The following CYB5R3 variants were observed in gnomAD, a reference collection of about 807,000 sequenced individuals.
The protein encoded by CYB5R3 is cytochrome b5 reductase 3.
In CYB5R3, 28 loss-of-function variants were observed where a neutral mutation model predicts 36.5. The observed-to-expected ratio is 0.77, with a 90% confidence interval of 0.57 to 1.05. The LOEUF is 1.05. CYB5R3 is among the 50% of genes least tolerant of loss of function. The pLI is 0.00. For synonymous variants in CYB5R3, 181 were observed against 159.8 expected (o/e 1.13, Z -1.00); for missense variants, 474 against 408.9 (o/e 1.16, Z -1.37).
At chr22:42,631,491 G>A in intron 2 of CYB5R3, 41 bp from the exon 3 acceptor site, 1 of 1,542,730 alleles carries the variant, frequency 6.5e-7, no homozygotes, top group Non-Finnish European at 8.8e-7. Context: ...CCCCAGGGCA[G>A]AGGCCTCCCA....
Position 42,627,704 on chromosome 22 carries a change from G to C in CYB5R3, c.464-16C>G. ...GCGAACTTCCCTGGGGAGAGAGAAG[G>C]GGTGAGGCCCGGCCATCAAACATGC... On this transcript the variant is annotated splice_polypyrimidine_tract_variant and intron_variant, in intron 5 of 8. Transcript: ENST00000352397. 1 of 1,589,374 alleles carries C rather than the reference G, an allele frequency of 6.3e-7. No individual in the cohort carries two copies. The highest frequency in any genetic ancestry group is 8.6e-7 in the Non-Finnish European group (1 of 1,157,404).
chr22:42,642,824 TA>T (rs1156544230), intron 1 of CYB5R3, among the ~76,000 whole-genome samples: 2 of 152,252 alleles, frequency 1.3e-5, no homozygotes, highest in Non-Finnish European at 2.9e-5. Context: ...AAAGTTCATA[TA>T]AAACACTGGC....
At chr22:42,632,955 G>C (rs1928696261) in intron 2 of CYB5R3, 1 of 152,326 alleles carries the variant, frequency 6.6e-6, no homozygotes, top group Non-Finnish European at 1.5e-5. Context: ...GAACCTGGGA[G>C]GCAAGGTTGC....
At chr22:42,630,324 G>A (rs1032786314) in intron 4 of CYB5R3, among the ~76,000 whole-genome samples, 3 of 152,158 alleles carry the variant, frequency 2.0e-5, no homozygotes, top group African/African-American at 7.2e-5. Context: ...TAGCAGGCCT[G>A]AGGGACATTT....
chr22:42,619,745 C>A lies in CYB5R3; in HGVS notation c.*28G>T. On this transcript the variant is annotated 3_prime_UTR_variant, in exon 9 of 9. Transcript: ENST00000352397. ...TGAACAGGGCGTGGGGTGCGCGGGGCGGGTGGCCGTGTGACCGTGCCCGGC... is the reference window on the plus strand; with the variant it reads ...TGAACAGGGCGTGGGGTGCGCGGGGAGGGTGGCCGTGTGACCGTGCCCGGC... The A allele has an allele frequency of 1.3e-6, 2 of 1,545,666 alleles. No homozygotes were observed. Among genetic ancestry groups the A allele is most frequent in the South Asian group, 1.2e-5 (1 of 84,156 alleles).
rs550137295 is a variant in CYB5R3 at position 42,647,244 on chromosome 22, G to A, written c.21+2051C>T. 2.0e-5 allele frequency among the ~76,000 whole-genome samples: 3 copies of A among 152,202 alleles called. No homozygotes were observed. The South Asian group carries it at 6.2e-4, about 32-fold the overall frequency. On this transcript the variant is annotated intron_variant, in intron 1 of 8. Coordinates refer to ENST00000352397, the MANE Select transcript of CYB5R3 (RefSeq NM_000398.7). The stretch of plus-strand genomic sequence containing the variant: ...CTTGGAGAGATGGGGCTGGGCGGGG[G>A]AGGGTTGGTGGAGGTCTCCCGACTC...
Position 42,628,266 on chromosome 22 carries a change from T to C in CYB5R3, c.349A>G (p.Thr117Ala), listed in dbSNP as rs762291523. The C allele has an allele frequency of 1.9e-6, 3 of 1,613,948 alleles. No individual in the cohort carries two copies. The highest frequency in any genetic ancestry group is 1.7e-5 in the Admixed American group (1 of 60,014). ...DLVIKVYFKDTHPKFPAGGKM... is the reference protein window; with the variant it reads ...DLVIKVYFKDAHPKFPAGGKM... ...CCTCCAGCGGGAAACTTGGGATGGGTGTCCTTGAAGTAAACCTGCAAGACA... is the reference window on the plus strand; with the variant it reads ...CCTCCAGCGGGAAACTTGGGATGGGCGTCCTTGAAGTAAACCTGCAAGACA... The change falls in exon 5 of 9, where the codon ACC becomes GCC. Residue 117 changes from threonine (T) to alanine (A), a missense_variant. Thr to Ala is a moderately conservative substitution (Grantham distance 58). Transcript: ENST00000352397.
At chr22:42,629,909 T>C (rs537149799) in intron 4 of CYB5R3, among the ~76,000 whole-genome samples, 4 of 152,294 alleles carry the variant, frequency 2.6e-5, no homozygotes, top group Admixed American at 2.0e-4. Flanking sequence ...GTGATTCTCC[T>C]GCCTCAGCCT....
At chr22:42,637,606 G>T (rs982134093) in intron 1 of CYB5R3, among the ~76,000 whole-genome samples, 1 of 152,104 alleles carries the variant, frequency 6.6e-6, no homozygotes, top group South Asian at 2.1e-4. Flanking sequence ...CTCAACCTGA[G>T]TGGACCAGGT....
chr22:42,620,379 G>A (rs2146860700), intron 8 of CYB5R3, among the ~76,000 whole-genome samples: 1 of 152,138 alleles, frequency 6.6e-6, no homozygotes, highest in East Asian at 1.9e-4. Context: ...AGGTCCCCAG[G>A]CTGGTGCTCT....
chr22:42,627,430 G>A (rs760173521), intron 6 of CYB5R3, 41 bp from the exon 7 acceptor site: 17 of 1,598,382 alleles, frequency 1.1e-5, no homozygotes, highest in Non-Finnish European at 1.4e-5. Flanking sequence ...GCTGAGCGAG[G>A]CCTGTTCACA....
At chr22:42,627,804 G>C in intron 5 of CYB5R3, 116 bp from the exon 6 acceptor site, 2 of 821,214 alleles carry the variant, frequency 2.4e-6, no homozygotes, top group Non-Finnish European at 4.2e-6. Context: ...GGTAGAGGCA[G>C]CTGCCATTCT....
At chr22:42,627,449 C>A in intron 6 of CYB5R3, 60 bp from the exon 7 acceptor site, 1 of 1,564,756 alleles carries the variant, frequency 6.4e-7, no homozygotes, top group Non-Finnish European at 8.8e-7. Context: ...CAGGCACCGC[C>A]CCGCCCAGGT....
At chr22:42,626,963 C>T (rs1393058097) in intron 7 of CYB5R3, among the ~76,000 whole-genome samples, 1 of 152,168 alleles carries the variant, frequency 6.6e-6, no homozygotes, top group Non-Finnish European at 1.5e-5. Flanking sequence ...AGATGGGCCC[C>T]TCCATGTCCA....
At chr22:42,636,438 G>A (rs530896528) in intron 2 of CYB5R3, among the ~76,000 whole-genome samples, 2 of 152,184 alleles carry the variant, frequency 1.3e-5, no homozygotes, top group African/African-American at 4.8e-5. Context: ...ATAAATGGGG[G>A]ATTGAACCTA....
chr22:42,623,485 GC>G (rs1171718494), intron 8 of CYB5R3, among the ~76,000 whole-genome samples: 1 of 152,228 alleles, frequency 6.6e-6, no homozygotes, highest in Admixed American at 6.5e-5. Context: ...CCCGAAGTGA[GC>G]CCCGCCCAGG....
chr22:42,623,979 G>T, intron 7 of CYB5R3, 91 bp from the exon 8 acceptor site: 1 of 1,119,422 alleles, frequency 8.9e-7, no homozygotes, highest in Non-Finnish European at 1.3e-6. Flanking sequence ...CATCGCGCCC[G>T]CCTGCGGGCC....
At chr22:42,644,745 T>G in intron 1 of CYB5R3, 1 of 710,926 alleles carries the variant, frequency 1.4e-6, no homozygotes, top group Non-Finnish European at 1.7e-6. Context: ...ATCACCATTG[T>G]TGGGGGCCCT....
At chr22:42,629,945 G>A (rs1365403853) in intron 4 of CYB5R3, among the ~76,000 whole-genome samples, 1 of 151,948 alleles carries the variant, frequency 6.6e-6, no homozygotes, top group African/African-American at 2.4e-5. Context: ...TTACAGGTGC[G>A]CACCACCATG....
Sources: allele counts gnomAD v4.1 joint callset (sites outside exome capture counted in the v4.1 genomes callset), GRCh38; gene constraint gnomAD v4.1.1; transcripts MANE v1.5; gene names NCBI Gene and HGNC (gene_info 2026-07-23, HGNC 2026-07-21).